The following USP9X variants were observed in gnomAD, a reference collection of about 807,000 sequenced individuals.
USP9X encodes the protein ubiquitin carboxyl-terminal hydrolase 9X.
In USP9X, 7 loss-of-function variants were observed where a neutral mutation model predicts 190.3. The observed-to-expected ratio is 0.04, with a 90% confidence interval of 0.02 to 0.07. USP9X has a LOEUF of 0.07. Ranked by LOEUF, USP9X falls within the 10% of genes least tolerant of loss-of-function variation. USP9X has a pLI of 1.00. For missense variants in USP9X, 1,010 were observed against 1,916.9 expected (o/e 0.53, Z 8.83); for synonymous variants, 645 against 659.5 (o/e 0.98, Z 0.34).
intron 21 of USP9X, among the ~76,000 whole-genome samples, chrX:41,179,754 G>T (rs2062809961): frequency 9.0e-6 from 1 of 111,405 alleles, no homozygotes; most frequent in South Asian, 3.7e-4. Flanking sequence ...TTAGGCCTTC[G>T]AATCATTTGT....
At chrX:41,126,953 G>GTAAAACTCGA (rs1381002906) in intron 2 of USP9X, among the ~76,000 whole-genome samples, 1 of 110,819 alleles carries the variant, frequency 9.0e-6, no homozygotes, top group Non-Finnish European at 1.9e-5. Flanking sequence ...TTAGTATGTA[G>GTAAAACTCGA]TAAAACTCGA....
chrX:41,108,592 T>C (rs1448153357), intron 1 of USP9X, among the ~76,000 whole-genome samples: 2 of 111,625 alleles, frequency 1.8e-5, no homozygotes, highest in Non-Finnish European at 3.8e-5. Flanking sequence ...TGTGTTGTTT[T>C]CCAACACACC....
intron 29 of USP9X, 114 bp downstream of exon 29, chrX:41,197,624 C>T: frequency 1.5e-6 from 1 of 680,071 alleles, no homozygotes; most frequent in Non-Finnish European, 2.0e-6. Context: ...GATCTTTTCT[C>T]TTTTTTAAGA....
chrX:41,117,268 T>C (rs974724283), intron 1 of USP9X, among the ~76,000 whole-genome samples: 4 of 111,843 alleles, frequency 3.6e-5, no homozygotes, highest in African/African-American at 1.3e-4. Flanking sequence ...GCTTTTCCCA[T>C]TTATCTTAGT....
At position 41,204,413 on chromosome X, in the gene USP9X, GTT is replaced by G. The variant is rs35557222; in HGVS notation, c.4825-875_4825-874del. Among the ~76,000 whole-genome samples the G allele has an allele frequency of 9.2e-3, 870 of 94,944 alleles. 8 individuals are homozygous for G. The highest frequency in any genetic ancestry group is 0.026 in the African/African-American group (675 of 25,893). The allele number at this position is 94,944 out of a possible 115,157, so 82.4% of individuals were successfully genotyped here. A position where few individuals can be genotyped will look rare whatever the true frequency, so the allele number is the denominator to read the frequency against. ...CAGTGTCTTGAAGCTTTTGCCCTAT[GTT>G]TTTTTTTTTTTTTTAACAGTTCTGT... is the stretch of plus-strand genomic sequence containing the variant. On this transcript the variant is annotated intron_variant, in intron 31 of 44. Coordinates refer to ENST00000378308, the MANE Select transcript of USP9X (RefSeq NM_001039591.3).
intron 44 of USP9X, among the ~76,000 whole-genome samples, chrX:41,231,367 C>CTG (rs1222556226): frequency 8.9e-6 from 1 of 112,056 alleles, no homozygotes; most frequent in Non-Finnish European, 1.9e-5. Context: ...TTACATTTCA[C>CTG]TGTGTACATA....
intron 1 of USP9X, among the ~76,000 whole-genome samples, chrX:41,098,104 A>C (rs896220604): frequency 9.3e-6 from 1 of 107,633 alleles, no homozygotes; most frequent in Non-Finnish European, 1.9e-5. Context: ...TTATGCCTCT[A>C]CCTCCTCCCT....
At chrX:41,225,953 TGAA>T (rs1270185437) in intron 41 of USP9X, among the ~76,000 whole-genome samples, 1 of 112,392 alleles carries the variant, frequency 8.9e-6, no homozygotes, top group Non-Finnish European at 1.9e-5. Flanking sequence ...AAATACACCA[TGAA>T]GAAGGACACT....
chrX:41,126,225 T>C (rs1198188324), intron 2 of USP9X, among the ~76,000 whole-genome samples: 2 of 111,909 alleles, frequency 1.8e-5, no homozygotes, highest in Non-Finnish European at 3.8e-5. Flanking sequence ...GTCAGTTTTA[T>C]TCCTTTTCCT....
At chrX:41,166,866 T>C (rs2062682712) in intron 16 of USP9X, among the ~76,000 whole-genome samples, 1 of 112,049 alleles carries the variant, frequency 8.9e-6, no homozygotes, top group Admixed American at 9.5e-5. Context: ...CAACATTGTT[T>C]TAACAGCAGA....
At chrX:41,088,468 C>A (rs754231100) in intron 1 of USP9X, among the ~76,000 whole-genome samples, 1 of 112,382 alleles carries the variant, frequency 8.9e-6, no homozygotes, top group African/African-American at 3.2e-5. Flanking sequence ...CAACAAGTGT[C>A]TTTGAGCTTA....
chrX:41,187,971 T>A, intron 24 of USP9X, 21 bp from the exon 25 acceptor site: 1 of 1,197,434 alleles, frequency 8.4e-7, no homozygotes, highest in Non-Finnish European at 1.1e-6. Flanking sequence ...TCAACAGTTC[T>A]ATTTACTCGT....
intron 39 of USP9X, among the ~76,000 whole-genome samples, chrX:41,223,862 T>G (rs2063287693): frequency 8.9e-6 from 1 of 111,782 alleles, no homozygotes; most frequent in Middle Eastern, 4.6e-3. Flanking sequence ...CTTTTTTCTG[T>G]CTCCTTGTGA....
intron 1 of USP9X, among the ~76,000 whole-genome samples, chrX:41,112,249 A>G (rs1407401782): frequency 8.9e-6 from 1 of 112,626 alleles, no homozygotes; most frequent in African/African-American, 3.2e-5. Context: ...GTAGGAATGG[A>G]TGCAGGCCTG....
intron 18 of USP9X, among the ~76,000 whole-genome samples, chrX:41,168,502 G>C (rs769270210): frequency 2.7e-5 from 3 of 111,795 alleles, no homozygotes; most frequent in Non-Finnish European, 5.6e-5. Flanking sequence ...CAGTTGAAGT[G>C]TTTTTGTTTA....
intron 1 of USP9X, among the ~76,000 whole-genome samples, chrX:41,100,609 G>A (rs187468126): frequency 3.0e-3 from 338 of 111,333 alleles, no homozygotes; most frequent in Non-Finnish European, 4.4e-3. Flanking sequence ...CTAGCTAAAA[G>A]GGCCCTTAGC....
chrX:41,221,837 A>C (rs1485623973), intron 38 of USP9X, among the ~76,000 whole-genome samples: 1 of 111,563 alleles, frequency 9.0e-6, no homozygotes, highest in East Asian at 2.8e-4. Flanking sequence ...TGTGACCTGT[A>C]CTGGAGAACT....
intron 14 of USP9X, among the ~76,000 whole-genome samples, chrX:41,158,670 C>T (rs2062600850): frequency 9.0e-6 from 1 of 110,869 alleles, no homozygotes; most frequent in Non-Finnish European, 1.9e-5. Flanking sequence ...TATAAACCAG[C>T]AGTCCCCAAC....
intron 41 of USP9X, 100 bp downstream of exon 41, chrX:41,225,237 C>G: frequency 1.4e-6 from 1 of 724,534 alleles, no homozygotes. Context: ...TATTGGAGTT[C>G]TAGTGAATGT....
Sources: allele counts gnomAD v4.1 joint callset (sites outside exome capture counted in the v4.1 genomes callset), GRCh38; gene constraint gnomAD v4.1.1; transcripts MANE v1.5; gene names NCBI Gene and HGNC (gene_info 2026-07-23, HGNC 2026-07-21).